Variants in DAPK2 observed in about 807,000 individuals in gnomAD.
DAPK2 encodes the protein death-associated protein kinase 2.
In DAPK2, 35 loss-of-function variants were observed where a neutral mutation model predicts 44.1. The observed-to-expected ratio is 0.79, with a 90% CI of 0.61 to 1.05. DAPK2 has a LOEUF of 1.05. Among genes scored for constraint, DAPK2 ranks in the 50% least tolerant of loss-of-function variants. The probability of loss-of-function intolerance (pLI) is 0.00; values close to 1 mark genes in which losing one functional copy is unlikely to be tolerated. For synonymous variants in DAPK2, 174 were observed against 182.6 expected (o/e 0.95, Z 0.38); for missense variants, 453 against 483.2 (o/e 0.94, Z 0.59).
chr15:63,959,364 T>A (rs1468092730), intron 3 of DAPK2, among the ~76,000 whole-genome samples: 1 of 152,228 alleles, frequency 6.6e-6, no homozygotes, highest in East Asian at 1.9e-4. Context: ...CTTGCCTGAT[T>A]GCCCTGGCCA....
At chr15:63,985,087 G>T (rs934433362) in intron 1 of DAPK2, among the ~76,000 whole-genome samples, 12 of 152,232 alleles carry the variant, frequency 7.9e-5, no homozygotes, top group African/African-American at 2.9e-4. Flanking sequence ...TGGGCATCCA[G>T]TCTGTGCCAG....
chr15:64,012,674 C>A (rs2079418712), intron 1 of DAPK2, among the ~76,000 whole-genome samples: 1 of 152,146 alleles, frequency 6.6e-6, no homozygotes, highest in African/African-American at 2.4e-5. Context: ...ATAGTCTGTT[C>A]TACCTTTTTG....
At chr15:63,957,026 A>G (rs1225356539) in intron 3 of DAPK2, among the ~76,000 whole-genome samples, 1 of 152,234 alleles carries the variant, frequency 6.6e-6, no homozygotes, top group African/African-American at 2.4e-5. Flanking sequence ...TTGGTCTATA[A>G]TGCATATTAA....
intron 3 of DAPK2, among the ~76,000 whole-genome samples, chr15:63,965,646 T>C (rs28822416): frequency 0.41 from 61,597 of 152,042 alleles, 12,989 homozygotes; most frequent in Non-Finnish European, 0.45. Flanking sequence ...TAATGTGGCC[T>C]AGCTGGTATC....
At chr15:63,961,357 T>A (rs2077895437) in intron 3 of DAPK2, among the ~76,000 whole-genome samples, 1 of 152,318 alleles carries the variant, frequency 6.6e-6, no homozygotes, top group Admixed American at 6.5e-5. Flanking sequence ...AGGTTAATAT[T>A]GTTATGTGTG....
chr15:64,044,693 G>C (rs568792172), upstream of DAPK2, among the ~76,000 whole-genome samples: 7 of 152,256 alleles, frequency 4.6e-5, no homozygotes, highest in South Asian at 1.5e-3. Flanking sequence ...TCTAGGGCTG[G>C]AAGATCACCT....
chr15:63,983,865 A>G, intron 1 of DAPK2, 111 bp from the exon 3 acceptor site: 2 of 1,071,122 alleles, frequency 1.9e-6, no homozygotes, highest in East Asian at 2.6e-5. Context: ...CCAGGACAGG[A>G]CAAATCATGC....
At chr15:63,999,972 G>C (rs148619608) in intron 1 of DAPK2, among the ~76,000 whole-genome samples, 73 of 152,030 alleles carry the variant, frequency 4.8e-4, no homozygotes, top group African/African-American at 1.6e-3. Context: ...TCGCCATGTT[G>C]CCCAGGCTGG....
Position 63,924,802 on chromosome 15 carries a change from G to A in DAPK2, c.858+14C>T. On this transcript the variant is annotated intron_variant, in intron 8 of 10. Coordinates refer to ENST00000261891, the Ensembl canonical transcript of DAPK2. The stretch of plus-strand genomic sequence containing the variant: ...GGACCCTTTGCCCATTGGAACTCAT[G>A]GCTGTGCCCTTACCGTGATCCAGGG... The A allele has an allele frequency of 2.5e-6, 4 of 1,614,088 alleles. No homozygotes were observed. Among genetic ancestry groups the A allele is most frequent in the Non-Finnish European group, 2.5e-6 (3 of 1,179,954 alleles).
intron 4 of DAPK2, among the ~76,000 whole-genome samples, chr15:63,938,634 C>T (rs559958748): frequency 6.6e-6 from 1 of 152,336 alleles, no homozygotes; most frequent in African/African-American, 2.4e-5. Flanking sequence ...GCTATTTCTT[C>T]ATGACCCCAA....
chr15:63,987,075 T>C (rs2078687017), intron 1 of DAPK2, among the ~76,000 whole-genome samples: 1 of 152,212 alleles, frequency 6.6e-6, no homozygotes. Context: ...ACTGCTGTGT[T>C]ATGAATATGC....
chr15:63,922,212 T>C (rs2079094172), intron 8 of DAPK2: 1 of 889,032 alleles, frequency 1.1e-6, no homozygotes, highest in African/African-American at 1.8e-5. Context: ...TGAGGTCATT[T>C]GTCAGACATG....
In DAPK2 at chr15:63,938,024, G is replaced by C. The variant is rs1389995354; in HGVS notation, c.583+1208C>G. Among the ~76,000 whole-genome samples the C allele has an allele frequency of 3.3e-5, 5 of 152,118 alleles. No homozygotes were observed. The East Asian group carries it at 9.7e-4, about 29-fold the overall frequency. On this transcript the variant is annotated intron_variant, in intron 4 of 10. Coordinates refer to ENST00000261891, the Ensembl canonical transcript of DAPK2. ...TCATACAGTAGGTGACAAATAACCT[G>C]AGTTTACCTTAACTAAAATCCCCCA...
At chr15:64,008,528 G>C (rs1053050543) in intron 1 of DAPK2, among the ~76,000 whole-genome samples, 3 of 152,178 alleles carry the variant, frequency 2.0e-5, no homozygotes, top group African/African-American at 2.4e-5. Flanking sequence ...ACAAGAAAAA[G>C]CTGGAAACAA....
intron 1 of DAPK2, among the ~76,000 whole-genome samples, chr15:64,028,030 G>GTATCTATC (rs777029949): frequency 0.079 from 7,438 of 94,218 alleles, 245 homozygotes; most frequent in South Asian, 0.19. Context: ...TACATAAACT[G>GTATCTATC]TATCTATCTA....
chr15:64,014,825 C>T (rs1335780726), intron 1 of DAPK2, among the ~76,000 whole-genome samples: 2 of 151,026 alleles, frequency 1.3e-5, no homozygotes, highest in African/African-American at 4.9e-5. Flanking sequence ...GAGGCTGAGA[C>T]AGGAGAATCA....
chr15:63,935,546 T>C lies in DAPK2; in HGVS notation c.583+3686A>G, dbSNP rs533940158. The C allele has an allele frequency of 3.9e-5, 6 of 152,340 alleles. No homozygotes were observed. The East Asian group carries it at 1.2e-3, about 29-fold the overall frequency. The allele number at this position is 152,340 out of a possible 1,614,324, so 9.4% of individuals were successfully genotyped here. Reference sequence around the variant, plus strand: ...TAATTATTGTTCTTTTGCAGGTATTTGTCTTCCCTGACTGCTTTGTCTTGG... The same window carrying C: ...TAATTATTGTTCTTTTGCAGGTATTCGTCTTCCCTGACTGCTTTGTCTTGG... On this transcript the variant is annotated intron_variant, in intron 4 of 10. Transcript: ENST00000261891.
chr15:63,944,963 G>A (rs1462891158), intron 3 of DAPK2, among the ~76,000 whole-genome samples: 5 of 152,288 alleles, frequency 3.3e-5, no homozygotes, highest in Admixed American at 2.6e-4. Context: ...GGCTTGGAAT[G>A]CCTGTCCTAC....
At chr15:63,941,422 G>A (rs991026302) in intron 3 of DAPK2, among the ~76,000 whole-genome samples, 1 of 152,224 alleles carries the variant, frequency 6.6e-6, no homozygotes, top group African/African-American at 2.4e-5. Flanking sequence ...GCCGGAAGGA[G>A]GACTCAGATC....
Sources: gnomAD v4.1 joint callset for allele counts (sites outside exome capture counted in the v4.1 genomes callset) on GRCh38, gnomAD v4.1.1 for gene constraint, MANE v1.5 for transcripts, NCBI Gene and HGNC (gene_info 2026-07-23, HGNC 2026-07-21) for gene names.